The following PPFIA2 variants were observed in gnomAD, a reference collection of about 807,000 sequenced individuals.
PPFIA2 encodes the protein PPFI scaffold protein A2.
In PPFIA2, 46 loss-of-function variants were observed where a neutral mutation model predicts 175.5. The ratio of observed to expected loss-of-function variants is 0.26; its 90% CI spans 0.21 to 0.34. The LOEUF (loss-of-function observed/expected upper bound fraction) is 0.34. Ranked by LOEUF, PPFIA2 falls within the 10% of genes least tolerant of loss-of-function variation. PPFIA2 has a pLI of 1.00. For synonymous variants in PPFIA2, 568 were observed against 511.4 expected (o/e 1.11, Z -1.49); for missense variants, 1,179 against 1,506.1 (o/e 0.78, Z 3.60).
At chr12:81,744,012 A>T (rs2153657297) in intron 3 of PPFIA2, among the ~76,000 whole-genome samples, 1 of 152,348 alleles carries the variant, frequency 6.6e-6, no homozygotes, top group South Asian at 2.1e-4. Flanking sequence ...TTAGCAAAAT[A>T]ATACAACAGA....
At chr12:81,729,990 A>C (rs2153638714) in intron 3 of PPFIA2, among the ~76,000 whole-genome samples, 1 of 151,698 alleles carries the variant, frequency 6.6e-6, no homozygotes. Context: ...GCCTTTGCTG[A>C]CACCTTAATT....
intron 4 of PPFIA2, among the ~76,000 whole-genome samples, chr12:81,568,340 G>C (rs1427852104): frequency 6.6e-6 from 1 of 152,182 alleles, no homozygotes; most frequent in Non-Finnish European, 1.5e-5. Context: ...ACTGTCCCTT[G>C]TTTGTCTGAT....
chr12:81,270,214 C>T (rs2038673611), intron 28 of PPFIA2, among the ~76,000 whole-genome samples: 1 of 152,130 alleles, frequency 6.6e-6, no homozygotes, highest in Admixed American at 6.5e-5. Context: ...AAGCAAATTC[C>T]ACTCTCACAA....
intron 7 of PPFIA2, among the ~76,000 whole-genome samples, chr12:81,426,206 G>A (rs925964344): frequency 7.2e-5 from 11 of 152,036 alleles, no homozygotes; most frequent in Admixed American, 2.6e-4. Flanking sequence ...ATTGATTGAC[G>A]TTCCTTGGTT....
At chr12:81,722,552 T>C (rs1486662454) in intron 3 of PPFIA2, among the ~76,000 whole-genome samples, 1 of 151,000 alleles carries the variant, frequency 6.6e-6, no homozygotes, top group Non-Finnish European at 1.5e-5. Context: ...TTGTCTGACA[T>C]CTTAGAACCC....
At chr12:81,552,251 T>C (rs1375212398) in intron 4 of PPFIA2, among the ~76,000 whole-genome samples, 2 of 151,828 alleles carry the variant, frequency 1.3e-5, no homozygotes, top group Non-Finnish European at 2.9e-5. Flanking sequence ...ATTAAATATG[T>C]AAGCATAGAA....
chr12:81,357,970 C>A, intron 16 of PPFIA2, 112 bp downstream of exon 16: 1 of 1,147,440 alleles, frequency 8.7e-7, no homozygotes. Context: ...CTCTGTGTTT[C>A]AAATTAATAA....
chr12:81,427,473 G>A (rs540627811), intron 7 of PPFIA2, among the ~76,000 whole-genome samples: 2 of 151,970 alleles, frequency 1.3e-5, no homozygotes, highest in African/African-American at 4.8e-5. Flanking sequence ...CTCTAAAATT[G>A]CAGATGCTAT....
chr12:81,344,551 C>T (rs1272711316), intron 19 of PPFIA2, 113 bp downstream of exon 19: 11 of 691,916 alleles, frequency 1.6e-5, no homozygotes, highest in Non-Finnish European at 2.6e-5. Flanking sequence ...ACTTTAAATA[C>T]TCTCAACTTT....
chr12:81,683,386 T>C (rs1272425744), intron 3 of PPFIA2, among the ~76,000 whole-genome samples: 1 of 151,898 alleles, frequency 6.6e-6, no homozygotes, highest in East Asian at 1.9e-4. Flanking sequence ...CTGTTGTCCA[T>C]GAATTTGTTA....
At chr12:81,539,865 G>A (rs949375684) in intron 4 of PPFIA2, among the ~76,000 whole-genome samples, 6 of 151,938 alleles carry the variant, frequency 3.9e-5, no homozygotes, top group African/African-American at 7.2e-5. Context: ...TTCCATTGCT[G>A]TTAGGTGTGA....
intron 3 of PPFIA2, among the ~76,000 whole-genome samples, chr12:81,681,506 T>C (rs2073625322): frequency 6.6e-6 from 1 of 151,974 alleles, no homozygotes; most frequent in Admixed American, 6.6e-5. Flanking sequence ...CTTAGGGCAT[T>C]CTCAGACTTG....
intron 4 of PPFIA2, among the ~76,000 whole-genome samples, chr12:81,630,899 A>ATATATATT (rs1411924550): frequency 9.4e-6 from 1 of 106,448 alleles, no homozygotes. Flanking sequence ...ATATATATAT[A>ATATATATT]TTTTTTTTTT....
intron 22 of PPFIA2, among the ~76,000 whole-genome samples, chr12:81,315,125 A>C (rs1489490845): frequency 1.3e-5 from 2 of 151,830 alleles, no homozygotes; most frequent in African/African-American, 4.8e-5. Context: ...TCTAAGCTAG[A>C]ATGTAAACTC....
intron 3 of PPFIA2, among the ~76,000 whole-genome samples, chr12:81,690,316 A>T (rs576157466): frequency 6.6e-6 from 1 of 152,242 alleles, no homozygotes; most frequent in African/African-American, 2.4e-5. Context: ...AAGCCATGTG[A>T]AAATATTGTA....
At chr12:81,644,082 T>C (rs1216519982) in intron 4 of PPFIA2, among the ~76,000 whole-genome samples, 1 of 152,072 alleles carries the variant, frequency 6.6e-6, no homozygotes, top group Admixed American at 6.6e-5. Context: ...ATTAAACATA[T>C]GCTGTTAAAA....
intron 8 of PPFIA2, among the ~76,000 whole-genome samples, chr12:81,389,458 A>G (rs938036238): frequency 4.6e-5 from 7 of 152,024 alleles, no homozygotes; most frequent in Non-Finnish European, 8.8e-5. Flanking sequence ...TGTTCACTGC[A>G]TAGTCTTTAT....
intron 13 of PPFIA2, 50 bp from the exon 14 acceptor site, chr12:81,367,220 CT>C: frequency 8.7e-7 from 1 of 1,143,984 alleles, no homozygotes. Flanking sequence ...ACATAAAATA[CT>C]TAAAAATATA....
chr12:81,656,194 G>C (rs2067766936), intron 4 of PPFIA2, among the ~76,000 whole-genome samples: 1 of 151,948 alleles, frequency 6.6e-6, no homozygotes, highest in Admixed American at 6.6e-5. Context: ...TTCTCGAGGA[G>C]TATCTTTGTG....
Sources: allele counts gnomAD v4.1 joint callset (sites outside exome capture counted in the v4.1 genomes callset), GRCh38; gene constraint gnomAD v4.1.1; transcripts MANE v1.5; gene names NCBI Gene and HGNC (gene_info 2026-07-23, HGNC 2026-07-21).